WWOX: variants seen among roughly 807,000 people sequenced by gnomAD.
WWOX encodes WW domain containing oxidoreductase, also known as WW domain-containing oxidoreductase.
WWOX carries 69 observed loss-of-function variants against 46.2 expected under a neutral mutation model. The ratio of observed to expected loss-of-function variants is 1.49; its 90% CI spans 1.23 to 1.82. WWOX has a LOEUF of 1.82. Ranked by LOEUF, WWOX falls within the 40% of genes most tolerant of loss-of-function variation. WWOX has a pLI of 0.00. For synonymous variants in WWOX, 359 were observed against 202.6 expected (o/e 1.77, Z -6.56); for missense variants, 919 against 542.6 (o/e 1.69, Z -6.89).
intron 5 of WWOX, among the ~76,000 whole-genome samples, chr16:78,187,800 C>A (rs61291069): frequency 0.12 from 18,634 of 152,154 alleles, 1,189 homozygotes; most frequent in South Asian, 0.2. Context: ...ACCTTAACTT[C>A]AGCAGGGCAA....
chr16:78,957,756 C>G (rs745975082), intron 8 of WWOX, among the ~76,000 whole-genome samples: 1 of 152,206 alleles, frequency 6.6e-6, no homozygotes, highest in African/African-American at 2.4e-5. Context: ...ACCATAGGAA[C>G]GGAGACCTTA....
chr16:78,460,383 G>A (rs549251788), intron 8 of WWOX, among the ~76,000 whole-genome samples: 1 of 152,304 alleles, frequency 6.6e-6, no homozygotes, highest in Admixed American at 6.5e-5. Context: ...GCAAAGTGCT[G>A]GGATTATAGG....
intron 8 of WWOX, among the ~76,000 whole-genome samples, chr16:79,052,662 C>T (rs1292949132): frequency 6.6e-6 from 1 of 152,178 alleles, no homozygotes; most frequent in East Asian, 1.9e-4. Context: ...AAACCGGACA[C>T]AGCAGTAGAG....
chr16:78,483,028 G>T (rs1346229369), intron 8 of WWOX, among the ~76,000 whole-genome samples: 1 of 152,156 alleles, frequency 6.6e-6, no homozygotes, highest in Non-Finnish European at 1.5e-5. Context: ...GTGGAATACT[G>T]GAAGGGGTCC....
At chr16:78,812,496 C>T (rs947601519) in intron 8 of WWOX, among the ~76,000 whole-genome samples, 1 of 151,864 alleles carries the variant, frequency 6.6e-6, no homozygotes. Context: ...CCGAGGTGGA[C>T]GGATCACCTG....
At chr16:78,811,803 T>C (rs2051197189) in intron 8 of WWOX, among the ~76,000 whole-genome samples, 1 of 152,180 alleles carries the variant, frequency 6.6e-6, no homozygotes, top group Non-Finnish European at 1.5e-5. Context: ...GGCTTTGACA[T>C]ATGAATGAGG....
intron 8 of WWOX, among the ~76,000 whole-genome samples, chr16:78,837,512 G>A (rs923392307): frequency 5.3e-5 from 8 of 152,174 alleles, no homozygotes; most frequent in African/African-American, 1.4e-4. Flanking sequence ...ATCACTCAAA[G>A]CCTGAACACT....
At chr16:78,386,601 C>G (rs192707247) in intron 5 of WWOX, among the ~76,000 whole-genome samples, 7 of 152,002 alleles carry the variant, frequency 4.6e-5, no homozygotes, top group African/African-American at 1.7e-4. Context: ...CTCTTTTGCG[C>G]GGCTGAAACA....
intron 8 of WWOX, among the ~76,000 whole-genome samples, chr16:78,673,328 T>C (rs1213189612): frequency 6.6e-6 from 1 of 152,202 alleles, no homozygotes; most frequent in Non-Finnish European, 1.5e-5. Flanking sequence ...TTTCTCTGAG[T>C]AGCAGAGAGC....
chr16:78,653,349 T>C (rs550498825), intron 8 of WWOX, among the ~76,000 whole-genome samples: 3 of 152,338 alleles, frequency 2.0e-5, no homozygotes, highest in African/African-American at 7.2e-5. Flanking sequence ...TATTTTTGCC[T>C]TACACTTTTT....
At chr16:79,065,015 AGTTCGTCGGTT>A (rs900072355) in intron 8 of WWOX, among the ~76,000 whole-genome samples, 14 of 152,064 alleles carry the variant, frequency 9.2e-5, no homozygotes, top group Non-Finnish European at 1.6e-4. Context: ...GGTTGCTGGG[AGTTCGTCGGTT>A]GTTTAGGGAA....
chr16:78,957,953 G>C (rs1301020434), intron 8 of WWOX, among the ~76,000 whole-genome samples: 1 of 152,176 alleles, frequency 6.6e-6, no homozygotes, highest in Non-Finnish European at 1.5e-5. Context: ...CAGCACATTT[G>C]CTGCAAATCT....
chr16:78,542,997 C>CTG (rs1449485845), intron 8 of WWOX, among the ~76,000 whole-genome samples: 4 of 152,172 alleles, frequency 2.6e-5, no homozygotes, highest in Non-Finnish European at 4.4e-5. Flanking sequence ...CATGGTCTAC[C>CTG]TGTGTGACTG....
intron 3 of WWOX, among the ~76,000 whole-genome samples, chr16:78,110,542 C>G (rs1272762279): frequency 6.6e-6 from 1 of 152,092 alleles, no homozygotes; most frequent in Non-Finnish European, 1.5e-5. Flanking sequence ...TGCTAAATTC[C>G]TGTTATAGAG....
Position 78,518,568 on chromosome 16 carries a change from C to A in WWOX, c.1056+85816C>A, listed in dbSNP as rs1388585988. ...CATACTCACAGCTCCCTTAGGAGTA[C>A]TTTTGTCCATTTCTACACAATGGAA... On this transcript the variant is annotated intron_variant, in intron 8 of 8. Coordinates refer to ENST00000566780, the MANE Select transcript of WWOX (RefSeq NM_016373.4). Among the ~76,000 whole-genome samples, 3 of 152,156 alleles carry A rather than the reference C, an allele frequency of 2.0e-5. No homozygotes were observed. The East Asian group carries it at 5.8e-4, about 29-fold the overall frequency.
chr16:78,607,792 C>T (rs187851546), intron 8 of WWOX, among the ~76,000 whole-genome samples: 2 of 152,084 alleles, frequency 1.3e-5, no homozygotes, highest in African/African-American at 2.4e-5. Context: ...TTTGTCATTT[C>T]TCTTTGGAGC....
rs553804350 is a variant in WWOX, at chr16:79,060,079, A to G, written c.1057-151529A>G. On this transcript the variant is annotated intron_variant, in intron 8 of 8. Coordinates refer to ENST00000566780, the MANE Select transcript of WWOX (RefSeq NM_016373.4). ...GCTCAAACTGGTTATATTTCTGGGT[A>G]CAAACCAGGTGTATAGTTAATCCAT... Among the ~76,000 whole-genome samples, 80 of 152,324 alleles carry G rather than the reference A, an allele frequency of 5.3e-4. 1 individual carries two copies. The highest frequency in any genetic ancestry group is 6.8e-3 in the Middle Eastern group (2 of 294).
intron 8 of WWOX, among the ~76,000 whole-genome samples, chr16:78,770,566 G>T (rs1198030182): frequency 6.6e-6 from 1 of 152,300 alleles, no homozygotes; most frequent in Non-Finnish European, 1.5e-5. Flanking sequence ...ACCGCTCTCT[G>T]TGGTGCCAGG....
At chr16:78,756,826 C>T in intron 8 of WWOX, 3 of 663,028 alleles carry the variant, frequency 4.5e-6, no homozygotes, top group East Asian at 2.7e-5. Context: ...ACACCTAATA[C>T]TACTGACCTG....
Sources: gnomAD v4.1 joint callset for allele counts (sites outside exome capture counted in the v4.1 genomes callset) on GRCh38, gnomAD v4.1.1 for gene constraint, MANE v1.5 for transcripts, NCBI Gene and HGNC (gene_info 2026-07-23, HGNC 2026-07-21) for gene names.